DAB2IP: variants seen among roughly 807,000 people sequenced by gnomAD.
DAB2IP encodes the protein DAB2 interacting protein, also known as disabled homolog 2-interacting protein.
In DAB2IP, 28 loss-of-function variants were observed where a neutral mutation model predicts 107.2. The ratio of observed to expected loss-of-function variants is 0.26; its 90% CI spans 0.19 to 0.36. The LOEUF (loss-of-function observed/expected upper bound fraction) is 0.36, where lower values mean the gene tolerates loss of function less well. Among genes scored for constraint, DAB2IP ranks in the 10% least tolerant of loss-of-function variants. The pLI, the probability that DAB2IP is intolerant of heterozygous loss-of-function variation, is 1.00. For missense variants in DAB2IP, 1,400 were observed against 1,644.7 expected, an observed-to-expected ratio of 0.85 and a Z score of 2.57; for synonymous variants, 755 against 706.4, an observed-to-expected ratio of 1.07 and a Z score of -1.09.
intron 14 of DAB2IP, among the ~76,000 whole-genome samples, chr9:121,780,804 C>T (rs927783597): frequency 6.6e-6 from 1 of 152,150 alleles, no homozygotes; most frequent in Admixed American, 6.5e-5. Flanking sequence ...TGAGCTTCCG[C>T]GGGTGGTATG....
At chr9:121,630,999 G>T (rs1257832927) in intron 1 of DAB2IP, among the ~76,000 whole-genome samples, 1 of 152,246 alleles carries the variant, frequency 6.6e-6, no homozygotes, top group East Asian at 1.9e-4. Context: ...AAGGTAAAGG[G>T]CTCCTGCTGA....
At chr9:121,590,014 G>A (rs1451216695) in intron 1 of DAB2IP, among the ~76,000 whole-genome samples, 1 of 139,186 alleles carries the variant, frequency 7.2e-6, no homozygotes, top group Non-Finnish European at 1.5e-5. Flanking sequence ...AACTGCGGAG[G>A]TGGAATCAAA....
chr9:121,770,780 C>T, intron 11 of DAB2IP, 56 bp downstream of exon 11: 5 of 1,581,874 alleles, frequency 3.2e-6, no homozygotes, highest in Non-Finnish European at 4.3e-6. Flanking sequence ...CTAGGCACAG[C>T]CCATCTGTAA....
intron 13 of DAB2IP, among the ~76,000 whole-genome samples, chr9:121,775,255 T>C (rs566149329): frequency 6.6e-6 from 1 of 152,234 alleles, no homozygotes; most frequent in Non-Finnish European, 1.5e-5. Flanking sequence ...TGGCAACCTC[T>C]CGAGCAAGGG....
chr9:121,620,308 T>C (rs1190309172), intron 1 of DAB2IP, among the ~76,000 whole-genome samples: 1 of 152,124 alleles, frequency 6.6e-6, no homozygotes, highest in Non-Finnish European at 1.5e-5. Context: ...CTTTCTGGCT[T>C]CTAGCAGCTC....
intron 1 of DAB2IP, among the ~76,000 whole-genome samples, chr9:121,641,973 TTTC>T (rs1832330619): frequency 2.6e-5 from 3 of 117,368 alleles, no homozygotes; most frequent in Admixed American, 1.8e-4. Flanking sequence ...TCTCTCTCTC[TTTC>T]TTTCTTTCTT....
intron 1 of DAB2IP, among the ~76,000 whole-genome samples, chr9:121,585,127 C>G (rs1040572269): frequency 6.6e-6 from 1 of 152,176 alleles, no homozygotes; most frequent in Non-Finnish European, 1.5e-5. Flanking sequence ...CATTTATCTA[C>G]TCACTGCATT....
chr9:121,580,549 A>C (rs1589374288), intron 1 of DAB2IP, among the ~76,000 whole-genome samples: 1 of 152,170 alleles, frequency 6.6e-6, no homozygotes. Flanking sequence ...GGCCTGGTGG[A>C]TGGAGGTAGT....
chr9:121,630,432 G>A (rs979262619), intron 1 of DAB2IP, among the ~76,000 whole-genome samples: 17 of 151,756 alleles, frequency 1.1e-4, no homozygotes, highest in Admixed American at 9.8e-4. Flanking sequence ...GGCTGAGGCA[G>A]GAGAATTGCT....
chr9:121,745,180 T>G (rs575381887), intron 3 of DAB2IP, among the ~76,000 whole-genome samples: 12 of 152,188 alleles, frequency 7.9e-5, no homozygotes, highest in Admixed American at 3.9e-4. Context: ...TTTGCTGCAG[T>G]TAGCTGTGTG....
chr9:121,783,241 G>T, exon 16 of DAB2IP: 1 of 1,251,042 alleles, frequency 8.0e-7, no homozygotes, highest in Non-Finnish European at 1.0e-6. Context: ...GTGAGCTCTT[G>T]TCCCTGTGGG....
intron 1 of DAB2IP, among the ~76,000 whole-genome samples, chr9:121,660,668 G>T (rs1033383301): frequency 9.2e-5 from 14 of 152,340 alleles, no homozygotes; most frequent in African/African-American, 3.4e-4. Flanking sequence ...TAAGGGCATT[G>T]CAGCGAGTTT....
chr9:121,623,320 G>T (rs1831538496), intron 1 of DAB2IP, among the ~76,000 whole-genome samples: 1 of 152,140 alleles, frequency 6.6e-6, no homozygotes, highest in Non-Finnish European at 1.5e-5. Flanking sequence ...CAACCCCAAG[G>T]GTGGGTTTTA....
chr9:121,596,461 G>A (rs2118941441), intron 1 of DAB2IP, among the ~76,000 whole-genome samples: 1 of 152,298 alleles, frequency 6.6e-6, no homozygotes, highest in Non-Finnish European at 1.5e-5. Context: ...GCCGCAGTGA[G>A]CTATGATAGC....
At chr9:121,622,859 G>T (rs1831520562) in intron 1 of DAB2IP, among the ~76,000 whole-genome samples, 1 of 152,152 alleles carries the variant, frequency 6.6e-6, no homozygotes, top group Non-Finnish European at 1.5e-5. Flanking sequence ...AGTACTGTGG[G>T]GTATATGGGC....
chr9:121,567,712 C>T (rs559491962), intron 1 of DAB2IP, among the ~76,000 whole-genome samples: 6 of 152,284 alleles, frequency 3.9e-5, no homozygotes, highest in Admixed American at 6.5e-5. Context: ...TGGCTGCCAC[C>T]GGAGAGCTGC....
intron 1 of DAB2IP, among the ~76,000 whole-genome samples, chr9:121,588,944 G>A (rs1471137092): frequency 4.6e-5 from 7 of 151,482 alleles, no homozygotes. Flanking sequence ...CTGAAGAGGA[G>A]ATCCGGGTTG....
chr9:121,574,482 A>G (rs1034223749), intron 1 of DAB2IP, among the ~76,000 whole-genome samples: 5 of 152,140 alleles, frequency 3.3e-5, no homozygotes, highest in African/African-American at 1.2e-4. Context: ...GAGCCCTTCT[A>G]TAAGTGAAAA....
In DAB2IP at chr9:121,757,271, G is replaced by T. The variant is rs1053334474; in HGVS notation, c.516+105G>T. 10 of 1,425,138 alleles carry T rather than the reference G, an allele frequency of 7.0e-6. No homozygotes were observed. In the Admixed American group the frequency reaches 2.0e-4, roughly 28 times the overall value. 88.3% of individuals were successfully genotyped at this position (1,425,138 alleles called of 1,614,324 possible). On this transcript the variant is annotated intron_variant, in intron 4 of 15. Transcript: ENST00000408936. Reference sequence around the variant, plus strand: ...GTCCAGTCTGCTGTGGCCTCAGCAGGGGCCAGGGTCTTGGGGACAGTGGCT... The same window carrying T: ...GTCCAGTCTGCTGTGGCCTCAGCAGTGGCCAGGGTCTTGGGGACAGTGGCT...
Sources: allele counts gnomAD v4.1 joint callset (sites outside exome capture counted in the v4.1 genomes callset), GRCh38; gene constraint gnomAD v4.1.1; transcripts MANE v1.5; gene names NCBI Gene and HGNC (gene_info 2026-07-23, HGNC 2026-07-21).